ACAT1: variants seen among roughly 807,000 people sequenced by gnomAD.
ACAT1 encodes acetyl-CoA acetyltransferase, mitochondrial.
In ACAT1, 28 loss-of-function variants were observed where a neutral mutation model predicts 47.3. The observed-to-expected ratio is 0.59, with a 90% confidence interval of 0.44 to 0.81. The LOEUF is 0.81. Among genes scored for constraint, ACAT1 ranks in the 30% least tolerant of loss-of-function variants. The pLI is 0.00. For missense variants in ACAT1, 469 were observed against 524.3 expected (o/e 0.89, Z 1.03); for synonymous variants, 181 against 173.6 (o/e 1.04, Z -0.34).
chr11:108,125,205 G>A (rs533579488), intron 1 of ACAT1, among the ~76,000 whole-genome samples: 50 of 152,338 alleles, frequency 3.3e-4, no homozygotes, highest in African/African-American at 1.0e-3. Flanking sequence ...GTGCACGGGC[G>A]TTGTGGAAGC....
At position 108,140,509 on chromosome 11, in the gene ACAT1, G is replaced by A. The variant is rs190726369; in HGVS notation, c.730+294G>A. ...AAGGGATTTACTAGAAGGTTACCGG[G>A]AGTGCCTCCAAGAACTGAAGGATGA... On this transcript the variant is annotated intron_variant, in intron 7 of 11. Coordinates refer to ENST00000265838, the MANE Select transcript of ACAT1 (RefSeq NM_000019.4). Among the ~76,000 whole-genome samples the A allele has an allele frequency of 1.7e-4, 26 of 152,320 alleles. No homozygotes were observed. The East Asian group carries it at 5.0e-3, about 29-fold the overall frequency.
At chr11:108,132,851 C>A (rs2077388298) in intron 2 of ACAT1, among the ~76,000 whole-genome samples, 1 of 46,636 alleles carries the variant, frequency 2.1e-5, no homozygotes. Flanking sequence ...AAAACTCCAT[C>A]TCAAAAAAAA....
At chr11:108,131,354 A>ATTTTTTTATTTTTTTTTTTTTTTTT (rs2077353438) in intron 1 of ACAT1, among the ~76,000 whole-genome samples, 1 of 62,660 alleles carries the variant, frequency 1.6e-5, no homozygotes, top group African/African-American at 5.2e-5. Context: ...AAGACTTGGA[A>ATTTTTTTATTTTTTTTTTTTTTTTT]TTTTTTTTTT....
At chr11:108,146,161 G>A (rs756781793) in intron 10 of ACAT1, 41 bp from the exon 11 acceptor site, 12 of 1,489,644 alleles carry the variant, frequency 8.1e-6, no homozygotes, top group Non-Finnish European at 1.1e-5. Flanking sequence ...AGTTGTGATT[G>A]CTAATTATTT....
chr11:108,141,209 G>C (rs1480317595), intron 7 of ACAT1, among the ~76,000 whole-genome samples: 1 of 151,676 alleles, frequency 6.6e-6, no homozygotes, highest in Non-Finnish European at 1.5e-5. Flanking sequence ...TTGGGAGACT[G>C]TGCAAGACCA....
upstream of ACAT1, chr11:108,121,566 T>C: frequency 6.5e-7 from 1 of 1,544,686 alleles, no homozygotes. Flanking sequence ...AGGAGGCCGC[T>C]AGTCTACGCC....
At chr11:108,118,475 C>A (rs921069758), upstream of ACAT1, among the ~76,000 whole-genome samples, 15 of 151,954 alleles carry the variant, frequency 9.9e-5, no homozygotes, top group African/African-American at 3.4e-4. Flanking sequence ...CCTGGGTTCA[C>A]GCCACTGTCC....
At chr11:108,133,786 T>C (rs1387760722) in intron 2 of ACAT1, 34 bp from the exon 3 acceptor site, 2 of 1,514,058 alleles carry the variant, frequency 1.3e-6, no homozygotes, top group Non-Finnish European at 1.8e-6. Context: ...TTGGGTAAAA[T>C]ACCTATAATT....
At chr11:108,145,857 C>G (rs919214732) in intron 10 of ACAT1, among the ~76,000 whole-genome samples, 25 of 152,116 alleles carry the variant, frequency 1.6e-4, no homozygotes, top group Admixed American at 9.2e-4. Flanking sequence ...CCAGCCTGGC[C>G]AAACATGGTG....
chr11:108,134,086 C>T, intron 3 of ACAT1, 135 bp from the exon 4 acceptor site: 1 of 1,146,744 alleles, frequency 8.7e-7, no homozygotes. Flanking sequence ...TTGTACTATA[C>T]AGTTTAGATT....
At chr11:108,126,283 A>T (rs142503310) in intron 1 of ACAT1, among the ~76,000 whole-genome samples, 1 of 152,186 alleles carries the variant, frequency 6.6e-6, no homozygotes, top group East Asian at 1.9e-4. Flanking sequence ...GATTATAGGC[A>T]TGAGCCACTA....
upstream of ACAT1, chr11:108,121,243 G>T: frequency 5.4e-6 from 2 of 372,046 alleles, no homozygotes; most frequent in South Asian, 5.3e-5. Context: ...ATGAGTTTGT[G>T]CTGGGTAGGC....
chr11:108,142,255 G>C (rs2077604491), intron 8 of ACAT1, among the ~76,000 whole-genome samples, 182 bp from the exon 9 acceptor site: 1 of 152,202 alleles, frequency 6.6e-6, no homozygotes, highest in African/African-American at 2.4e-5. Context: ...TACACAAAAA[G>C]GCATTCTTAC....
intron 6 of ACAT1, 25 bp downstream of exon 6, chr11:108,139,066 A>G: frequency 6.2e-7 from 1 of 1,613,068 alleles, no homozygotes; most frequent in Non-Finnish European, 8.5e-7. Flanking sequence ...TAGTGGATAA[A>G]TGCTATCTAA....
chr11:108,124,980 C>A (rs538429104), intron 1 of ACAT1, among the ~76,000 whole-genome samples: 16 of 152,306 alleles, frequency 1.1e-4, no homozygotes, highest in African/African-American at 3.6e-4. Context: ...AGTTCATGAT[C>A]AATTTTGCTG....
chr11:108,132,141 C>G (rs1306281335), intron 2 of ACAT1, among the ~76,000 whole-genome samples, 187 bp downstream of exon 2: 1 of 152,190 alleles, frequency 6.6e-6, no homozygotes, highest in Non-Finnish European at 1.5e-5. Flanking sequence ...CAGTTAGTCT[C>G]TGCCAATGTT....
Position 108,133,919 on chromosome 11 carries a change from G to C in ACAT1, c.220G>C (p.Gly74Arg), listed in dbSNP as rs901575634. The C allele has an allele frequency of 2.5e-6, 4 of 1,613,960 alleles. No homozygotes were observed. Among genetic ancestry groups the C allele is most frequent in the Non-Finnish European group, 3.4e-6 (4 of 1,179,954 alleles). ...ATKLGSIAIQ[G>R]AIEKAGIPKE... ...TAAGCTTGGTTCCATTGCAATTCAGGGAGCCATTGAAAAGGCAGGTCAGTA... is the reference window on the plus strand; with the variant it reads ...TAAGCTTGGTTCCATTGCAATTCAGCGAGCCATTGAAAAGGCAGGTCAGTA... Residue 74 changes from glycine (G) to arginine (R), a missense_variant, in exon 3 of 12, where the codon GGA becomes CGA. Gly to Arg is a moderately radical substitution (Grantham distance 125). Coordinates refer to ENST00000265838, the MANE Select transcript of ACAT1 (RefSeq NM_000019.4).
At chr11:108,120,477 G>A (rs1369270121), upstream of ACAT1, among the ~76,000 whole-genome samples, 2 of 151,968 alleles carry the variant, frequency 1.3e-5, no homozygotes, top group African/African-American at 4.8e-5. Flanking sequence ...GGAGTTTGAG[G>A]CTGCAGTGAG....
At chr11:108,129,012 T>C (rs2077303391) in intron 1 of ACAT1, 1 of 152,206 alleles carries the variant, frequency 6.6e-6, no homozygotes, top group South Asian at 2.1e-4. Flanking sequence ...TAAACCAATG[T>C]GTAGTCTTTT....
Sources: gnomAD v4.1 joint callset for allele counts (sites outside exome capture counted in the v4.1 genomes callset) on GRCh38, gnomAD v4.1.1 for gene constraint, MANE v1.5 for transcripts, NCBI Gene and HGNC (gene_info 2026-07-23, HGNC 2026-07-21) for gene names.